XIRP2: variants seen among roughly 807,000 people sequenced by gnomAD.
XIRP2 encodes the protein xin actin binding repeat containing 2, also known as xin actin-binding repeat-containing protein 2.
Under a neutral mutation model 277.0 loss-of-function variants are expected in XIRP2, and 236 were observed. The ratio of observed to expected loss-of-function variants is 0.85; its 90% confidence interval spans 0.77 to 0.95. XIRP2 has a LOEUF of 0.95. Among genes scored for constraint, XIRP2 ranks in the 40% least tolerant of loss-of-function variants. The probability of loss-of-function intolerance (pLI) is 0.00; values close to 1 mark genes in which losing one functional copy is unlikely to be tolerated. For synonymous variants in XIRP2, 1,490 were observed against 1,416.5 expected (o/e 1.05, Z -1.17); for missense variants, 4,640 against 4,157.5 (o/e 1.12, Z -3.19).
chr2:167,025,538 T>A (rs1688127853), intron 2 of XIRP2, among the ~76,000 whole-genome samples: 1 of 151,666 alleles, frequency 6.6e-6, no homozygotes, highest in African/African-American at 2.4e-5. Flanking sequence ...TTCTTTTAAT[T>A]GTGATGTTAG....
intron 2 of XIRP2, among the ~76,000 whole-genome samples, chr2:167,091,491 T>C (rs1366801057): frequency 1.3e-5 from 2 of 152,292 alleles, no homozygotes; most frequent in East Asian, 1.9e-4. Context: ...TACTTAATTA[T>C]AGGGACTGCC....
intron 5 of XIRP2, among the ~76,000 whole-genome samples, chr2:167,230,081 C>T (rs1216228495): frequency 6.6e-6 from 1 of 152,130 alleles, no homozygotes; most frequent in East Asian, 1.9e-4. Flanking sequence ...GAGCCAAGAG[C>T]TCAGTCAAAC....
intron 2 of XIRP2, among the ~76,000 whole-genome samples, chr2:166,988,821 C>T (rs1457181935): frequency 1.3e-4 from 7 of 55,780 alleles, no homozygotes; most frequent in African/African-American, 4.8e-4. Flanking sequence ...CCTACGCCCA[C>T]GGAATCTCGC....
At chr2:166,919,484 C>T (rs947083274) in intron 2 of XIRP2, among the ~76,000 whole-genome samples, 7 of 152,168 alleles carry the variant, frequency 4.6e-5, no homozygotes, top group African/African-American at 1.7e-4. Flanking sequence ...TTGTGGAACA[C>T]TGTCAGGAAC....
intron 10 of XIRP2, 105 bp from the exon 11 acceptor site, chr2:167,257,752 T>G: frequency 8.9e-7 from 1 of 1,119,070 alleles, no homozygotes; most frequent in South Asian, 1.7e-5. Flanking sequence ...CCATTGCTAG[T>G]AACTTAAGTT....
chr2:167,206,081 C>A (rs1255711241), intron 3 of XIRP2, among the ~76,000 whole-genome samples: 1 of 152,102 alleles, frequency 6.6e-6, no homozygotes, highest in East Asian at 1.9e-4. Flanking sequence ...CTAAGGATAT[C>A]TGAATTTTGT....
intron 2 of XIRP2, among the ~76,000 whole-genome samples, chr2:167,117,166 G>A (rs998859303): frequency 2.0e-5 from 3 of 151,822 alleles, no homozygotes; most frequent in Non-Finnish European, 4.4e-5. Context: ...AGTGATCTTT[G>A]GAAATGGCAG....
intron 5 of XIRP2, 144 bp from the exon 6 acceptor site, chr2:167,239,708 TGTG>T (rs1450192253): frequency 3.1e-6 from 2 of 653,050 alleles, no homozygotes; most frequent in Non-Finnish European, 5.3e-6. Context: ...CCACTAAACT[TGTG>T]GTAATTTGTT....
At chr2:166,936,593 G>A (rs1264905791) in intron 2 of XIRP2, among the ~76,000 whole-genome samples, 5 of 152,180 alleles carry the variant, frequency 3.3e-5, no homozygotes, top group Non-Finnish European at 5.9e-5. Context: ...TTTTGTATAA[G>A]GTGTAAGGAA....
chr2:167,096,198 G>A (rs535382834), intron 2 of XIRP2, among the ~76,000 whole-genome samples: 10 of 152,012 alleles, frequency 6.6e-5, no homozygotes, highest in Admixed American at 2.6e-4. Context: ...TTGGTTGCTA[G>A]GCTATTAATT....
Position 167,246,226 on chromosome 2 carries a change from C to G in XIRP2, c.4834C>G (p.Leu1612Val), listed in dbSNP as rs375594951. ...TGATCTCAGAAATATAATGGTGAAC[C>G]TACTTTCCAAAAGGGACTGTACTGA... ...RADLRNIMVN[L>V]LSKRDCTERE... The change falls in exon 9 of 11, where the codon CTA becomes GTA. Residue 1612 changes from leucine to valine, a missense_variant. By Grantham distance (32) the Leu-to-Val change is conservative. Coordinates refer to ENST00000409195, the MANE Select transcript of XIRP2 (RefSeq NM_152381.6). 8 of 1,613,250 alleles carry G rather than the reference C, an allele frequency of 5.0e-6. No homozygotes were observed. The highest frequency in any genetic ancestry group is 6.8e-6 in the Non-Finnish European group (8 of 1,179,718).
chr2:167,216,029 G>A (rs1694238768), intron 4 of XIRP2, among the ~76,000 whole-genome samples: 1 of 149,130 alleles, frequency 6.7e-6, no homozygotes, highest in Non-Finnish European at 1.5e-5. Context: ...CAAGCAATGG[G>A]GAAAGGATTC....
At chr2:167,073,849 G>T (rs899037990) in intron 2 of XIRP2, among the ~76,000 whole-genome samples, 2 of 152,130 alleles carry the variant, frequency 1.3e-5, no homozygotes, top group African/African-American at 4.8e-5. Flanking sequence ...AGCTGAAACA[G>T]TAAATGTCTG....
At chr2:166,938,881 T>G (rs1685605700) in intron 2 of XIRP2, among the ~76,000 whole-genome samples, 1 of 152,196 alleles carries the variant, frequency 6.6e-6, no homozygotes, top group South Asian at 2.1e-4. Context: ...TTTGTTGGTT[T>G]AAAGTCTGTT....
intron 2 of XIRP2, among the ~76,000 whole-genome samples, chr2:167,064,034 A>G (rs1689238286): frequency 6.6e-6 from 1 of 151,718 alleles, no homozygotes; most frequent in Non-Finnish European, 1.5e-5. Context: ...AAGTTAATCA[A>G]ATATTTAAGA....
At chr2:167,028,468 T>G (rs948683130) in intron 2 of XIRP2, among the ~76,000 whole-genome samples, 1 of 152,066 alleles carries the variant, frequency 6.6e-6, no homozygotes, top group African/African-American at 2.4e-5. Context: ...AGGCAATATC[T>G]CTATGATTCT....
intron 2 of XIRP2, among the ~76,000 whole-genome samples, chr2:166,925,920 A>T (rs1382473180): frequency 6.6e-6 from 1 of 151,790 alleles, no homozygotes; most frequent in South Asian, 2.1e-4. Flanking sequence ...ATAAAAATTT[A>T]AAAAATAGCC....
rs1195185081 is a variant in XIRP2, at chr2:167,258,556, A to G, written c.*739A>G. ...ATAATGTGATTGTGCAGAGTGCTGAAAAGGAGAAAAATGAAAAAACTAACC... is the reference window on the plus strand; with the variant it reads ...ATAATGTGATTGTGCAGAGTGCTGAGAAGGAGAAAAATGAAAAAACTAACC... On this transcript the variant is annotated 3_prime_UTR_variant, in exon 11 of 11. Coordinates refer to ENST00000409195, the MANE Select transcript of XIRP2 (RefSeq NM_152381.6). 7.4e-6 allele frequency: 12 copies of G among 1,613,112 alleles called. No individual in the cohort carries two copies. Among genetic ancestry groups the G allele is most frequent in the Admixed American group, 1.7e-5 (1 of 59,834 alleles).
intron 3 of XIRP2, among the ~76,000 whole-genome samples, chr2:167,178,054 A>T (rs1692901066): frequency 6.6e-6 from 1 of 152,074 alleles, no homozygotes; most frequent in African/African-American, 2.4e-5. Flanking sequence ...AAAAAAGCAA[A>T]TGTGGAGCAC....
Sources: allele counts gnomAD v4.1 joint callset (sites outside exome capture counted in the v4.1 genomes callset), GRCh38; gene constraint gnomAD v4.1.1; transcripts MANE v1.5; gene names NCBI Gene and HGNC (gene_info 2026-07-23, HGNC 2026-07-21).